The following MMAA variants were observed in gnomAD, a reference collection of about 807,000 sequenced individuals.
MMAA encodes the protein metabolism of cobalamin associated A.
In MMAA, 41 loss-of-function variants were observed where a neutral mutation model predicts 45.0. That is an observed-to-expected ratio of 0.91 (90% CI 0.71 to 1.18). The LOEUF (loss-of-function observed/expected upper bound fraction) is 1.18, where lower values mean the gene tolerates loss of function less well. MMAA is among the 50% of genes most tolerant of loss of function. The pLI is 0.00. For synonymous variants in MMAA, 154 were observed against 178.2 expected (o/e 0.86, Z 1.08); for missense variants, 460 against 495.7 (o/e 0.93, Z 0.68).
intron 1 of MMAA, among the ~76,000 whole-genome samples, chr4:145,630,517 TTGGGAGTTTGACACCAGACTGACCAACA>T (rs982331544): frequency 6.6e-6 from 1 of 152,074 alleles, no homozygotes; most frequent in African/African-American, 2.4e-5. Flanking sequence ...TCACCTGAGG[TTGGGAGTTTGACACCAGACTGACCAACA>T]TGGAGAAACC....
At position 145,659,238 on chromosome 4, in the gene MMAA, G is replaced by A. The variant is rs1395853476; in HGVS notation, c.*3804G>A. On this transcript the variant is annotated 3_prime_UTR_variant, in exon 7 of 7. Transcript: ENST00000649156. ...CACTTGAGATGAATACTTATTTATAGTCCCTGTCCCATGAAGCTTCTGTGG... is the reference window on the plus strand; with the variant it reads ...CACTTGAGATGAATACTTATTTATAATCCCTGTCCCATGAAGCTTCTGTGG... 6.6e-6 allele frequency: 1 copy of A among 151,902 alleles called. No individual in the cohort carries two copies. Among genetic ancestry groups the A allele is most frequent in the African/African-American group, 2.4e-5 (1 of 41,350 alleles). 9.4% of individuals were successfully genotyped at this position (151,902 alleles called of 1,614,324 possible). A position where few individuals can be genotyped will look rare whatever the true frequency, so the allele number is the denominator to read the frequency against.
intron 1 of MMAA, among the ~76,000 whole-genome samples, chr4:145,638,226 G>A (rs552717547): frequency 7.2e-5 from 11 of 152,228 alleles, no homozygotes; most frequent in East Asian, 5.8e-4. Flanking sequence ...AAAATTAGCC[G>A]GGCGTGGTTG....
chr4:145,637,599 G>A (rs1053714277), intron 1 of MMAA, among the ~76,000 whole-genome samples: 1 of 152,162 alleles, frequency 6.6e-6, no homozygotes, highest in Non-Finnish European at 1.5e-5. Flanking sequence ...CGGCCTTGAA[G>A]TGCCATTTAC....
At chr4:145,641,033 T>C (rs369652616) in intron 2 of MMAA, among the ~76,000 whole-genome samples, 16 of 152,348 alleles carry the variant, frequency 1.1e-4, no homozygotes, top group East Asian at 5.8e-4. Flanking sequence ...TGGGCATAGA[T>C]GCTTTAAGAT....
At chr4:145,627,710 G>A (rs963640902) in intron 1 of MMAA, among the ~76,000 whole-genome samples, 4 of 152,150 alleles carry the variant, frequency 2.6e-5, no homozygotes, top group Non-Finnish European at 5.9e-5. Flanking sequence ...CTGAGGAGGT[G>A]CTATTTGAAC....
intron 1 of MMAA, among the ~76,000 whole-genome samples, chr4:145,636,800 G>A (rs764535010): frequency 6.6e-6 from 1 of 152,178 alleles, no homozygotes; most frequent in South Asian, 2.1e-4. Flanking sequence ...ATTTTATTCT[G>A]TGAGCTCTTG....
rs184500044 is a variant in MMAA, at chr4:145,635,538, A to G, written c.-65-3537A>G. On this transcript the variant is annotated intron_variant, in intron 1 of 6. Transcript: ENST00000649156. ...CAAAGTTAAAACCAGGTAGAAAATG[A>G]TTGGTGAAGCCTTGTATTCTGCTAT... Among the ~76,000 whole-genome samples the G allele has an allele frequency of 3.8e-4, 58 of 152,320 alleles. No individual in the cohort carries two copies. The East Asian group carries it at 6.7e-3, about 18-fold the overall frequency.
intron 1 of MMAA, chr4:145,624,682 T>G: frequency 6.7e-7 from 1 of 1,501,384 alleles, no homozygotes; most frequent in Admixed American, 1.8e-5. Context: ...GGCTCAGGTT[T>G]GGGTTCCATG....
intron 1 of MMAA, among the ~76,000 whole-genome samples, chr4:145,619,968 G>A (rs1196591908): frequency 6.6e-6 from 1 of 152,138 alleles, no homozygotes; most frequent in East Asian, 1.9e-4. Flanking sequence ...GTCTTCATAT[G>A]TATTTCTCAT....
intron 1 of MMAA, among the ~76,000 whole-genome samples, chr4:145,630,385 C>G (rs771497700): frequency 1.4e-4 from 22 of 152,172 alleles, no homozygotes; most frequent in Non-Finnish European, 2.6e-4. Context: ...TTTGGATCAT[C>G]TCTCTTTTTT....
At chr4:145,629,092 G>A (rs546789142) in intron 1 of MMAA, among the ~76,000 whole-genome samples, 90 of 152,064 alleles carry the variant, frequency 5.9e-4, no homozygotes, top group African/African-American at 2.0e-3. Flanking sequence ...CTTCCATTCC[G>A]TTGATATGAT....
intron 2 of MMAA, among the ~76,000 whole-genome samples, chr4:145,641,379 T>G (rs1727776996): frequency 6.6e-6 from 1 of 152,198 alleles, no homozygotes; most frequent in African/African-American, 2.4e-5. Flanking sequence ...GCAGTTATTT[T>G]TTTCACCACC....
intron 2 of MMAA, 107 bp downstream of exon 2, chr4:145,639,685 C>T (rs956264491): frequency 2.1e-6 from 3 of 1,461,574 alleles, no homozygotes; most frequent in African/African-American, 1.4e-5. Context: ...CGACTTTTTT[C>T]ACAATATTTG....
chr4:145,619,812 C>T (rs1344809486), intron 1 of MMAA, among the ~76,000 whole-genome samples: 2 of 152,058 alleles, frequency 1.3e-5, no homozygotes, highest in African/African-American at 4.8e-5. Context: ...ATGACTCCTA[C>T]CAAAGAGTGA....
intron 1 of MMAA, among the ~76,000 whole-genome samples, chr4:145,632,329 C>A (rs2126611977): frequency 6.6e-6 from 1 of 152,318 alleles, no homozygotes; most frequent in Admixed American, 6.5e-5. Flanking sequence ...ATGCCATTCT[C>A]TCCTAGCCTA....
intron 4 of MMAA, among the ~76,000 whole-genome samples, chr4:145,647,879 CAG>C (rs761697141): frequency 6.6e-6 from 1 of 152,032 alleles, no homozygotes; most frequent in Non-Finnish European, 1.5e-5. Flanking sequence ...TTTTTTGAGA[CAG>C]AGTCTTGCTG....
intron 1 of MMAA, among the ~76,000 whole-genome samples, chr4:145,630,496 A>T (rs1434159124): frequency 1.3e-5 from 2 of 152,180 alleles, no homozygotes; most frequent in Non-Finnish European, 2.9e-5. Context: ...TGGGAGGCTG[A>T]GGTGGGTGGA....
At chr4:145,645,813 T>C (rs1727914392) in intron 3 of MMAA, among the ~76,000 whole-genome samples, 173 bp from the exon 4 acceptor site, 1 of 152,110 alleles carries the variant, frequency 6.6e-6, no homozygotes, top group South Asian at 2.1e-4. Flanking sequence ...GGGCTTGAAA[T>C]GTTAAGATTA....
chr4:145,628,413 A>G (rs1254790374), intron 1 of MMAA, among the ~76,000 whole-genome samples: 6 of 152,234 alleles, frequency 3.9e-5, no homozygotes, highest in African/African-American at 1.2e-4. Context: ...TGGAGGATCT[A>G]GAAGAGAATC....
Sources: gnomAD v4.1 joint callset for allele counts (sites outside exome capture counted in the v4.1 genomes callset) on GRCh38, gnomAD v4.1.1 for gene constraint, MANE v1.5 for transcripts, NCBI Gene and HGNC (gene_info 2026-07-23, HGNC 2026-07-21) for gene names.